ATP1A1: variants seen among roughly 807,000 people sequenced by gnomAD.
The protein encoded by ATP1A1 is ATPase Na+/K+ transporting subunit alpha 1.
ATP1A1 carries 14 observed loss-of-function variants against 114.8 expected under a neutral mutation model. The observed-to-expected ratio is 0.12, with a 90% CI of 0.08 to 0.19. ATP1A1 has a LOEUF of 0.19. ATP1A1 is among the 10% of genes least tolerant of loss of function. The pLI, the probability that ATP1A1 is intolerant of heterozygous loss-of-function variation, is 1.00. For synonymous variants in ATP1A1, 471 were observed against 466.3 expected (o/e 1.01, Z -0.13); for missense variants, 524 against 1,290.7 (o/e 0.41, Z 9.10).
chr1:116,373,883 C>T (rs1651168387), intron 1 of ATP1A1: 3 of 1,296,226 alleles, frequency 2.3e-6, no homozygotes, highest in Admixed American at 4.0e-5. Flanking sequence ...GGGGGCGGCC[C>T]CGGGACTGAG....
In ATP1A1 at chr1:116,381,097, AG is replaced by A. The variant is rs971290277; in HGVS notation, c.13-2911del. On this transcript the variant is annotated intron_variant, in intron 1 of 22. Transcript: ENST00000295598. The surrounding 1 kb of genome is among the most constrained non-coding windows in gnomAD (Gnocchi z 5.1). ...GATTAATCACTCCCAGTCCTCTGGG[AG>A]GGGGGAAGTGACCTGAACTTTCTAA... Among the ~76,000 whole-genome samples the A allele has an allele frequency of 6.6e-6, 1 of 152,102 alleles. No homozygotes were observed. The highest frequency in any genetic ancestry group is 2.4e-5 in the African/African-American group (1 of 41,412).
At position 116,384,991 on chromosome 1, in the gene ATP1A1, T is replaced by G. The variant is rs1355115632; in HGVS notation, c.183+149T>G. 4.0e-6 allele frequency: 3 copies of G among 745,400 alleles called. No individual in the cohort carries two copies. The highest frequency in any genetic ancestry group is 6.0e-5 in the Admixed American group (2 of 33,312). 46.2% of individuals were successfully genotyped at this position (745,400 alleles called of 1,614,324 possible). On this transcript the variant is annotated intron_variant, in intron 3 of 22. Coordinates refer to ENST00000295598, the MANE Select transcript of ATP1A1 (RefSeq NM_000701.8). The surrounding 1 kb of genome is among the most constrained non-coding windows in gnomAD (Gnocchi z 5.1). ...TCTACCATGTGACATGCACAGAATT[T>G]GGGCATTTATATGCTACCGTTTCTT...
Position 116,395,055 on chromosome 1 carries a change from CCTT to C in ATP1A1, c.1661-51_1661-49del, listed in dbSNP as rs1356119579. The C allele has an allele frequency of 8.9e-6, 14 of 1,565,642 alleles. No homozygotes were observed. The highest frequency in any genetic ancestry group is 4.6e-5 in the East Asian group (2 of 43,506). ...GGCGGGCTGAATAGGCTGCTGTTGT[CCTT>C]CTTACTGCCCAGCGTCACTGAAATT... On this transcript the variant is annotated intron_variant, in intron 12 of 22. Transcript: ENST00000295598. The surrounding 1 kb of genome is among the most constrained non-coding windows in gnomAD (Gnocchi z 6.4).
Position 116,388,841 on chromosome 1 carries a change from A to G in ATP1A1, c.637-61A>G. On this transcript the variant is annotated intron_variant, in intron 6 of 22. Coordinates refer to ENST00000295598, the MANE Select transcript of ATP1A1 (RefSeq NM_000701.8). The surrounding 1 kb of genome is among the most constrained non-coding windows in gnomAD (Gnocchi z 5.6). Reference sequence around the variant, plus strand: ...TCGGGCAGCTTGATTTGAGGGGTACAGTAGCCCATGATAAGGCTGGTGTAT... The same window carrying G: ...TCGGGCAGCTTGATTTGAGGGGTACGGTAGCCCATGATAAGGCTGGTGTAT... 1 of 1,613,258 alleles carries G rather than the reference A, an allele frequency of 6.2e-7. No individual in the cohort carries two copies. Among genetic ancestry groups the G allele is most frequent in the Non-Finnish European group, 8.5e-7 (1 of 1,179,450 alleles).
chr1:116,390,926 A>G, intron 10 of ATP1A1, 35 bp downstream of exon 10: 1 of 1,560,870 alleles, frequency 6.4e-7, no homozygotes, highest in African/African-American at 1.4e-5. Context: ...AGGGATGTAG[A>G]CAGCACATGA....
chr1:116,374,045 G>C (rs1269307767), intron 1 of ATP1A1: 4 of 1,401,236 alleles, frequency 2.9e-6, no homozygotes, highest in Non-Finnish European at 3.7e-6. Context: ...CTCCGTTCCC[G>C]CCGCGGCCCC....
chr1:116,394,848 C>T (rs1286949481), intron 12 of ATP1A1, among the ~76,000 whole-genome samples: 1 of 152,178 alleles, frequency 6.6e-6, no homozygotes, highest in East Asian at 1.9e-4. Context: ...GTTATCAATT[C>T]AGTCTTCTCC....
chr1:116,388,851 G>C lies in ATP1A1; in HGVS notation c.637-51G>C. ...TGATTTGAGGGGTACAGTAGCCCAT[G>C]ATAAGGCTGGTGTATTCACATGACA... On this transcript the variant is annotated intron_variant, in intron 6 of 22. Coordinates refer to ENST00000295598, the MANE Select transcript of ATP1A1 (RefSeq NM_000701.8). The surrounding 1 kb of genome is among the most constrained non-coding windows in gnomAD (Gnocchi z 5.6). 1 of 1,612,784 alleles carries C rather than the reference G, an allele frequency of 6.2e-7. No individual in the cohort carries two copies. The highest frequency in any genetic ancestry group is 8.5e-7 in the Non-Finnish European group (1 of 1,179,038).
Position 116,393,175 on chromosome 1 carries a change from C to A in ATP1A1, c.1467+187C>A. The stretch of plus-strand genomic sequence containing the variant: ...TCAGCAGGATAAATGAAGCCTCTTG[C>A]AAAACACTGTTGAGCCCTTTTGAAT... On this transcript the variant is annotated intron_variant, in intron 11 of 22. Coordinates refer to ENST00000295598, the MANE Select transcript of ATP1A1 (RefSeq NM_000701.8). This position sits in a 1 kb window ranked among gnomAD's most constrained non-coding sequence, Gnocchi z 5.0. The A allele has an allele frequency of 1.1e-6, 1 of 951,154 alleles. No homozygotes were observed. 58.9% of individuals were successfully genotyped at this position (951,154 alleles called of 1,614,324 possible).
In ATP1A1 at chr1:116,399,684, G is replaced by C; in HGVS notation, c.2572+141G>C. ...GGATGAGCCCTAACGGAGTGAGCCT[G>C]TGGAGTTTCTCTGAACTCTCTTCCA... On this transcript the variant is annotated intron_variant, in intron 18 of 22. Transcript: ENST00000295598. The surrounding 1 kb of genome is among the most constrained non-coding windows in gnomAD (Gnocchi z 5.0). 3.3e-6 allele frequency: 4 copies of C among 1,214,468 alleles called. No homozygotes were observed. The highest frequency in any genetic ancestry group is 4.5e-6 in the Non-Finnish European group (4 of 890,254). The allele number at this position is 1,214,468 out of a possible 1,614,324, so 75.2% of individuals were successfully genotyped here.
intron 10 of ATP1A1, chr1:116,392,252 G>A (rs1652526455): frequency 6.6e-6 from 1 of 152,162 alleles, no homozygotes; most frequent in Non-Finnish European, 1.5e-5. Context: ...ATGTTACGTG[G>A]TTCGATTTTA....
At position 116,400,945 on chromosome 1, in the gene ATP1A1, T is replaced by A. The variant is rs2101066014; in HGVS notation, c.2657T>A (p.Leu886His). 1.2e-6 allele frequency: 2 copies of A among 1,614,192 alleles called. No individual in the cohort carries two copies. Among genetic ancestry groups the A allele is most frequent in the Non-Finnish European group, 8.5e-7 (1 of 1,180,030 alleles). Residue 886 changes from leucine to histidine, a missense_variant, in exon 19 of 23, where the codon CTC becomes CAC. Transcript: ENST00000295598. ...NGFLPIHLLG[L>H]RVDWDDRWIN... ...TTCCTCCCAATTCACCTGTTGGGCC[T>A]CCGAGTGGACTGGGATGACCGCTGG... is the stretch of plus-strand genomic sequence containing the variant.
At chr1:116,379,570 T>C (rs184650921) in intron 1 of ATP1A1, among the ~76,000 whole-genome samples, 4 of 152,348 alleles carry the variant, frequency 2.6e-5, no homozygotes, top group Admixed American at 2.6e-4. Context: ...GGCTAGATCA[T>C]TTCTTGACTG....
intron 1 of ATP1A1, among the ~76,000 whole-genome samples, chr1:116,379,278 T>A (rs982638814): frequency 6.6e-6 from 1 of 152,212 alleles, no homozygotes; most frequent in African/African-American, 2.4e-5. Context: ...AGGGATCTAC[T>A]GCTTTGGCCT....
Position 116,393,458 on chromosome 1 carries a change from G to A in ATP1A1, c.1468-73G>A, listed in dbSNP as rs1652636559. 2 of 1,472,840 alleles carry A rather than the reference G, an allele frequency of 1.4e-6. No individual in the cohort carries two copies. The highest frequency in any genetic ancestry group is 2.1e-5 in the Admixed American group (1 of 47,612). 91.2% of individuals were successfully genotyped at this position (1,472,840 alleles called of 1,614,324 possible). A position where few individuals can be genotyped will look rare whatever the true frequency, so the allele number is the denominator to read the frequency against. ...TTATAGCAAATACTAAATAGTAAGT[G>A]AAGCTTTGTTTTCCACCATGGACTG... is the stretch of plus-strand genomic sequence containing the variant. On this transcript the variant is annotated intron_variant, in intron 11 of 22. Transcript: ENST00000295598. The surrounding 1 kb of genome is among the most constrained non-coding windows in gnomAD (Gnocchi z 5.0).
chr1:116,402,765 C>G (rs746036155), intron 21 of ATP1A1, among the ~76,000 whole-genome samples: 2 of 152,216 alleles, frequency 1.3e-5, no homozygotes, highest in African/African-American at 4.8e-5. Flanking sequence ...CCTTCAGGGC[C>G]GGTTTCCTTG....
Position 116,393,114 on chromosome 1 carries a change from CT to C in ATP1A1, c.1467+128del. 7.3e-7 allele frequency: 1 copy of C among 1,374,870 alleles called. No homozygotes were observed. The highest frequency in any genetic ancestry group is 9.8e-7 in the Non-Finnish European group (1 of 1,019,478). 85.2% of individuals were successfully genotyped at this position (1,374,870 alleles called of 1,614,324 possible). ...ATAAGCTTTAGCTTTAAATTTTGCC[CT>C]TGATTACCATAGAATGCCATAATTT... On this transcript the variant is annotated intron_variant, in intron 11 of 22. Transcript: ENST00000295598. The surrounding 1 kb of genome is among the most constrained non-coding windows in gnomAD (Gnocchi z 5.0).
At chr1:116,402,036 G>A (rs1272158210) in intron 21 of ATP1A1, 1 of 197,876 alleles carries the variant, frequency 5.1e-6, no homozygotes, top group Non-Finnish European at 1.0e-5. Context: ...TGCTTGCTTA[G>A]TCACTGTCCC....
intron 1 of ATP1A1, among the ~76,000 whole-genome samples, chr1:116,377,010 G>A (rs1030773735): frequency 3.3e-5 from 5 of 152,198 alleles, no homozygotes; most frequent in African/African-American, 1.2e-4. Flanking sequence ...CAAATGAACA[G>A]ATAAGTGACT....
Sources: allele counts gnomAD v4.1 joint callset (sites outside exome capture counted in the v4.1 genomes callset), GRCh38; gene constraint gnomAD v4.1.1; non-coding constraint Gnocchi (gnomAD v3.1); transcripts MANE v1.5; gene names NCBI Gene and HGNC (gene_info 2026-07-23, HGNC 2026-07-21).